GABBR2: variants seen among roughly 807,000 people sequenced by gnomAD.
The protein encoded by GABBR2 is gamma-aminobutyric acid type B receptor subunit 2.
In GABBR2, 23 loss-of-function variants were observed where a neutral mutation model predicts 105.6. The ratio of observed to expected loss-of-function variants is 0.22; its 90% CI spans 0.16 to 0.31. The LOEUF is 0.31. Ranked by LOEUF, GABBR2 falls within the 10% of genes least tolerant of loss-of-function variation. The pLI is 1.00. For missense variants in GABBR2, 734 were observed against 1,245.5 expected (o/e 0.59, Z 6.18); for synonymous variants, 478 against 499.7 (o/e 0.96, Z 0.58).
intron 13 of GABBR2, among the ~76,000 whole-genome samples, chr9:98,313,205 ACTT>A (rs1830662004): frequency 6.6e-6 from 1 of 152,044 alleles, no homozygotes; most frequent in South Asian, 2.1e-4. Flanking sequence ...GCACTTTCTT[ACTT>A]CTTGGCACAA....
At chr9:98,644,110 C>T (rs1297777036) in intron 1 of GABBR2, among the ~76,000 whole-genome samples, 4 of 152,164 alleles carry the variant, frequency 2.6e-5, no homozygotes, top group Admixed American at 6.5e-5. Flanking sequence ...GAAAGCGGAG[C>T]GATGACCCAT....
chr9:98,362,999 C>G (rs549936274), intron 12 of GABBR2, among the ~76,000 whole-genome samples, 162 bp from the exon 13 acceptor site: 4 of 152,174 alleles, frequency 2.6e-5, no homozygotes, highest in Non-Finnish European at 5.9e-5. Context: ...CCAAGCTCCT[C>G]TGTGTGACAT....
chr9:98,295,012 CTTTG>C (rs1830358514), intron 17 of GABBR2, among the ~76,000 whole-genome samples: 1 of 152,120 alleles, frequency 6.6e-6, no homozygotes, highest in Non-Finnish European at 1.5e-5. Context: ...CTGGAGGGGT[CTTTG>C]TTTTTGCTCC....
At chr9:98,549,916 C>A (rs1027086229) in intron 2 of GABBR2, among the ~76,000 whole-genome samples, 2 of 152,212 alleles carry the variant, frequency 1.3e-5, no homozygotes, top group Non-Finnish European at 2.9e-5. Flanking sequence ...CTGAACTATC[C>A]ATGGCCACCT....
chr9:98,368,104 C>T (rs1831713557), intron 12 of GABBR2, among the ~76,000 whole-genome samples: 1 of 151,932 alleles, frequency 6.6e-6, no homozygotes, highest in South Asian at 2.1e-4. Flanking sequence ...GTCATTTCCC[C>T]CGCTGGTCCT....
chr9:98,699,193 T>C (rs1830795007), intron 1 of GABBR2, among the ~76,000 whole-genome samples: 1 of 152,148 alleles, frequency 6.6e-6, no homozygotes, highest in Non-Finnish European at 1.5e-5. Context: ...TCCAATAAAC[T>C]GACCTCCTAA....
intron 13 of GABBR2, among the ~76,000 whole-genome samples, chr9:98,315,371 A>G (rs3780442): frequency 0.23 from 34,674 of 152,104 alleles, 4,230 homozygotes; most frequent in South Asian, 0.38. Flanking sequence ...CACTAATGTC[A>G]TCCTCATGCA....
At chr9:98,589,846 C>G (rs1829122951) in intron 1 of GABBR2, among the ~76,000 whole-genome samples, 2 of 151,940 alleles carry the variant, frequency 1.3e-5, no homozygotes, top group Admixed American at 6.6e-5. Context: ...TCCTGAGTAC[C>G]TGGGACCACA....
chr9:98,385,583 T>A (rs1832057661), intron 11 of GABBR2, 57 bp downstream of exon 11: 1 of 1,464,396 alleles, frequency 6.8e-7, no homozygotes, highest in Admixed American at 1.7e-5. Context: ...TTTCGATGAC[T>A]GAGGTCACCA....
At chr9:98,568,015 G>A (rs1828775097) in intron 2 of GABBR2, among the ~76,000 whole-genome samples, 1 of 152,212 alleles carries the variant, frequency 6.6e-6, no homozygotes, top group Non-Finnish European at 1.5e-5. Context: ...TGAATGATTG[G>A]ATGGATGGAT....
At chr9:98,452,528 A>G (rs184403490) in intron 7 of GABBR2, among the ~76,000 whole-genome samples, 1 of 152,356 alleles carries the variant, frequency 6.6e-6, no homozygotes, top group South Asian at 2.1e-4. Context: ...TAATAAGAGC[A>G]CCTACTTCCT....
At chr9:98,660,154 CCT>C (rs1215307087) in intron 1 of GABBR2, among the ~76,000 whole-genome samples, 1 of 152,118 alleles carries the variant, frequency 6.6e-6, no homozygotes, top group African/African-American at 2.4e-5. Flanking sequence ...AATTCTTTCT[CCT>C]CGAACATTTA....
intron 7 of GABBR2, among the ~76,000 whole-genome samples, chr9:98,446,241 T>G (rs533670368): frequency 6.7e-6 from 1 of 149,954 alleles, no homozygotes; most frequent in East Asian, 1.9e-4. Context: ...ACTCTGCTCT[T>G]TGTAAAGTAG....
chr9:98,322,158 G>GCA (rs1830833752), intron 13 of GABBR2, among the ~76,000 whole-genome samples: 1 of 151,936 alleles, frequency 6.6e-6, no homozygotes, highest in Non-Finnish European at 1.5e-5. Flanking sequence ...CTGGCCCAGA[G>GCA]GGGGCACCAG....
chr9:98,677,218 C>A (rs1830488151), intron 1 of GABBR2, among the ~76,000 whole-genome samples: 4 of 152,222 alleles, frequency 2.6e-5, no homozygotes, highest in Admixed American at 2.0e-4. Flanking sequence ...GAAGATAGGT[C>A]TGGGCCACTT....
At chr9:98,551,305 AG>A (rs1828481623) in intron 2 of GABBR2, among the ~76,000 whole-genome samples, 2 of 152,176 alleles carry the variant, frequency 1.3e-5, no homozygotes, top group Admixed American at 6.5e-5. Context: ...CAGGAGGCTG[AG>A]GCAGAACAAT....
At chr9:98,357,080 T>C (rs1831497270) in intron 13 of GABBR2, among the ~76,000 whole-genome samples, 1 of 152,228 alleles carries the variant, frequency 6.6e-6, no homozygotes, top group Non-Finnish European at 1.5e-5. Context: ...CTCTGTATGA[T>C]ATTGTAATGG....
intron 1 of GABBR2, among the ~76,000 whole-genome samples, chr9:98,596,561 A>G (rs1426947016): frequency 6.6e-6 from 1 of 152,090 alleles, no homozygotes; most frequent in African/African-American, 2.4e-5. Flanking sequence ...TCCCAATTTT[A>G]TTCCTATAAC....
At chr9:98,365,408 CTGCA>C (rs1401248933) in intron 12 of GABBR2, among the ~76,000 whole-genome samples, 1 of 152,222 alleles carries the variant, frequency 6.6e-6, no homozygotes, top group Admixed American at 6.5e-5. Flanking sequence ...AAATGTGATA[CTGCA>C]CCTAAGCTCT....
Sources: gnomAD v4.1 joint callset for allele counts (sites outside exome capture counted in the v4.1 genomes callset) on GRCh38, gnomAD v4.1.1 for gene constraint, MANE v1.5 for transcripts, NCBI Gene and HGNC (gene_info 2026-07-23, HGNC 2026-07-21) for gene names.